Variants in RBFOX1 observed in about 807,000 individuals in gnomAD.
The protein encoded by RBFOX1 is RNA binding protein fox-1 homolog 1.
In RBFOX1, 8 loss-of-function variants were observed where a neutral mutation model predicts 57.7. The observed-to-expected ratio is 0.14, with a 90% CI of 0.08 to 0.25. The LOEUF is 0.25. Among genes scored for constraint, RBFOX1 ranks in the 10% least tolerant of loss-of-function variants. RBFOX1 has a pLI of 1.00. For synonymous variants in RBFOX1, 326 were observed against 222.4 expected, an observed-to-expected ratio of 1.47 and a Z score of -4.15; for missense variants, 611 against 548.5, an observed-to-expected ratio of 1.11 and a Z score of -1.14.
At chr16:7,448,717 C>G (rs184990247) in intron 4 of RBFOX1, among the ~76,000 whole-genome samples, 1 of 152,268 alleles carries the variant, frequency 6.6e-6, no homozygotes, top group East Asian at 1.9e-4. Context: ...TGATCCTTAG[C>G]TTGTGGCTGC....
intron 6 of RBFOX1, among the ~76,000 whole-genome samples, chr16:7,582,184 C>T (rs1476046482): frequency 6.6e-6 from 1 of 152,140 alleles, no homozygotes; most frequent in Non-Finnish European, 1.5e-5. Flanking sequence ...TTCACCACTT[C>T]ACTTTAAAGT....
chr16:7,497,480 C>T (rs973784099), intron 4 of RBFOX1, among the ~76,000 whole-genome samples: 1 of 152,164 alleles, frequency 6.6e-6, no homozygotes, highest in African/African-American at 2.4e-5. Context: ...AAATCCATGA[C>T]ACTTGCTTTG....
Position 6,385,548 on chromosome 16 carries a change from C to A in RBFOX1, c.-64+68491C>A, listed in dbSNP as rs141038827. On this transcript the variant is annotated intron_variant, in intron 2 of 15. Transcript: ENST00000550418. Reference sequence around the variant, plus strand: ...ATAATTTTTGTATTTTTAGCAGAGACAGGGTTTTACCATGTTGGCCAGGCT... The same window carrying A: ...ATAATTTTTGTATTTTTAGCAGAGAAAGGGTTTTACCATGTTGGCCAGGCT... Among the ~76,000 whole-genome samples the A allele has an allele frequency of 2.1e-3, 327 of 152,252 alleles. 1 individual carries two copies. Among genetic ancestry groups the A allele is most frequent in the Admixed American group, 3.6e-3 (55 of 15,306 alleles).
intron 3 of RBFOX1, among the ~76,000 whole-genome samples, chr16:6,869,311 C>T (rs1367025881): frequency 2.6e-5 from 4 of 152,178 alleles, no homozygotes; most frequent in East Asian, 3.9e-4. Flanking sequence ...TATCTTGCCA[C>T]TGCCAGATGA....
chr16:6,800,029 C>G (rs1035925598), intron 3 of RBFOX1, among the ~76,000 whole-genome samples: 1 of 152,116 alleles, frequency 6.6e-6, no homozygotes, highest in East Asian at 1.9e-4. Context: ...CTCTGGAGAA[C>G]CCTAATACAC....
intron 1 of RBFOX1, among the ~76,000 whole-genome samples, chr16:6,256,782 A>C (rs946705796): frequency 6.6e-6 from 1 of 152,042 alleles, no homozygotes; most frequent in Non-Finnish European, 1.5e-5. Flanking sequence ...GACATTGACT[A>C]ATGTTCCCTG....
intron 2 of RBFOX1, among the ~76,000 whole-genome samples, chr16:5,535,491 G>A (rs2044657905): frequency 6.6e-6 from 1 of 152,148 alleles, no homozygotes; most frequent in African/African-American, 2.4e-5. Flanking sequence ...GCAGTCCCCA[G>A]TCCCAAGGAG....
intron 1 of RBFOX1, among the ~76,000 whole-genome samples, chr16:5,296,455 G>C (rs1044165286): frequency 6.6e-5 from 10 of 151,988 alleles, no homozygotes; most frequent in Non-Finnish European, 1.5e-4. Flanking sequence ...AAAAGTATGT[G>C]GATGTTCTGG....
At chr16:7,141,971 C>T (rs910742788) in intron 4 of RBFOX1, among the ~76,000 whole-genome samples, 1 of 151,170 alleles carries the variant, frequency 6.6e-6, no homozygotes, top group Non-Finnish European at 1.5e-5. Context: ...TATTTTCCTT[C>T]TCCTTCTTCT....
chr16:6,698,135 C>G (rs1188855073), intron 3 of RBFOX1, among the ~76,000 whole-genome samples: 1 of 152,148 alleles, frequency 6.6e-6, no homozygotes, highest in Non-Finnish European at 1.5e-5. Context: ...GAATTAAGAG[C>G]TAGAAACCAG....
chr16:7,455,802 G>GA (rs968513368), intron 4 of RBFOX1, among the ~76,000 whole-genome samples: 6 of 121,858 alleles, frequency 4.9e-5, no homozygotes, highest in South Asian at 2.7e-4. Context: ...AAAAAAAAAA[G>GA]AAAAAAAAGA....
chr16:6,523,289 T>C (rs181527925), intron 2 of RBFOX1, among the ~76,000 whole-genome samples: 195 of 152,092 alleles, frequency 1.3e-3, no homozygotes, highest in Admixed American at 1.8e-3. Context: ...GAGGGGGGGT[T>C]AGTACTGGCA....
At chr16:6,643,033 C>T (rs1215194966) in intron 2 of RBFOX1, among the ~76,000 whole-genome samples, 1 of 152,126 alleles carries the variant, frequency 6.6e-6, no homozygotes, top group Non-Finnish European at 1.5e-5. Flanking sequence ...ATATTCTTTG[C>T]CCTGAAGCAT....
chr16:7,692,883 T>A (rs1033889805), intron 14 of RBFOX1, among the ~76,000 whole-genome samples: 17 of 101,302 alleles, frequency 1.7e-4, no homozygotes, highest in Non-Finnish European at 3.4e-4. Flanking sequence ...GACAGCACTT[T>A]TTCTTATTTT....
At chr16:7,280,408 A>G (rs369627495) in intron 4 of RBFOX1, among the ~76,000 whole-genome samples, 2 of 152,200 alleles carry the variant, frequency 1.3e-5, no homozygotes, top group Non-Finnish European at 1.5e-5. Flanking sequence ...TATCTGCACA[A>G]TGTCCAAGGG....
At chr16:6,815,990 A>G (rs1388726473) in intron 3 of RBFOX1, among the ~76,000 whole-genome samples, 1 of 152,218 alleles carries the variant, frequency 6.6e-6, no homozygotes, top group African/African-American at 2.4e-5. Flanking sequence ...TCCTTTGAGA[A>G]GAGTTTCTTT....
At chr16:6,784,295 T>G (rs2154240104) in intron 3 of RBFOX1, among the ~76,000 whole-genome samples, 1 of 152,226 alleles carries the variant, frequency 6.6e-6, no homozygotes, top group South Asian at 2.1e-4. Flanking sequence ...CAGGCATCTT[T>G]TGTTCTTTTT....
intron 2 of RBFOX1, among the ~76,000 whole-genome samples, chr16:5,545,007 C>T (rs562846074): frequency 1.1e-3 from 113 of 107,140 alleles, no homozygotes; most frequent in South Asian, 1.7e-3. Context: ...TACGGAGTCT[C>T]GCTCTGTCTT....
intron 4 of RBFOX1, among the ~76,000 whole-genome samples, chr16:7,491,063 G>T (rs1393236896): frequency 6.6e-6 from 1 of 152,014 alleles, no homozygotes; most frequent in Non-Finnish European, 1.5e-5. Context: ...ACAACCAAAT[G>T]GCTCACACTT....
Sources: gnomAD v4.1 joint callset for allele counts (sites outside exome capture counted in the v4.1 genomes callset) on GRCh38, gnomAD v4.1.1 for gene constraint, MANE v1.5 for transcripts, NCBI Gene and HGNC (gene_info 2026-07-23, HGNC 2026-07-21) for gene names.